DNAH2: variants seen among roughly 807,000 people sequenced by gnomAD.
The protein encoded by DNAH2 is axonemal beta dynein heavy chain 2.
Under a neutral mutation model 523.5 loss-of-function variants are expected in DNAH2, and 323 were observed. The ratio of observed to expected loss-of-function variants is 0.62; its 90% CI spans 0.56 to 0.68. DNAH2 has a LOEUF of 0.68. Among genes scored for constraint, DNAH2 ranks in the 30% least tolerant of loss-of-function variants. The pLI, the probability that DNAH2 is intolerant of heterozygous loss-of-function variation, is 0.00. For synonymous variants in DNAH2, 2,093 were observed against 2,177.4 expected (o/e 0.96, Z 1.08); for missense variants, 4,907 against 5,701.5 (o/e 0.86, Z 4.49).
At position 7,787,048 on chromosome 17, in the gene DNAH2, T is replaced by A; in HGVS notation, c.6603+15T>A. The A allele has an allele frequency of 6.2e-7, 1 of 1,613,458 alleles. No homozygotes were observed. Among genetic ancestry groups the A allele is most frequent in the Non-Finnish European group, 8.5e-7 (1 of 1,179,892 alleles). On this transcript the variant is annotated intron_variant, in intron 42 of 85. Transcript: ENST00000572933. ...TGCCCGAGCAGGTCAGGGACGCGGCTGACTCCTGGAGGCCTGCAGAGGCAG... is the reference window on the plus strand; with the variant it reads ...TGCCCGAGCAGGTCAGGGACGCGGCAGACTCCTGGAGGCCTGCAGAGGCAG...
chr17:7,769,525 T>A (rs1485156796), intron 24 of DNAH2, among the ~76,000 whole-genome samples: 1 of 152,216 alleles, frequency 6.6e-6, no homozygotes, highest in Non-Finnish European at 1.5e-5. Context: ...TAACTTTCTT[T>A]CTGTATGGTT....
intron 12 of DNAH2, 56 bp downstream of exon 12, chr17:7,743,198 G>T: frequency 3.9e-6 from 6 of 1,546,224 alleles, no homozygotes; most frequent in Non-Finnish European, 5.3e-6. Context: ...GCTCTCCCAA[G>T]AATTTCACTC....
intron 48 of DNAH2, among the ~76,000 whole-genome samples, chr17:7,793,473 TTC>T (rs772054907): frequency 7.5e-5 from 10 of 132,498 alleles, no homozygotes; most frequent in South Asian, 7.0e-4. Context: ...CTTTCTTTCT[TTC>T]TTTCTTTCTT....
intron 12 of DNAH2, among the ~76,000 whole-genome samples, chr17:7,744,790 C>T (rs531943361): frequency 6.6e-6 from 1 of 152,058 alleles, no homozygotes; most frequent in Non-Finnish European, 1.5e-5. Context: ...CATTTGCAAG[C>T]GCATAATGGG....
At chr17:7,797,025 C>T (rs1290885929) in intron 50 of DNAH2, 151 bp from the exon 51 acceptor site, 2 of 703,262 alleles carry the variant, frequency 2.8e-6, no homozygotes, top group Non-Finnish European at 4.7e-6. Context: ...TTGCTTGAAC[C>T]TGGGAGGCAG....
chr17:7,770,211 G>T (rs1484260686), intron 24 of DNAH2, 41 bp from the exon 25 acceptor site: 15 of 1,541,798 alleles, frequency 9.7e-6, no homozygotes, highest in Non-Finnish European at 1.2e-5. Context: ...TGGAGTGATG[G>T]TAACTCTCCT....
chr17:7,762,463 G>A (rs2076034004), intron 18 of DNAH2, among the ~76,000 whole-genome samples: 1 of 151,496 alleles, frequency 6.6e-6, no homozygotes, highest in African/African-American at 2.4e-5. Flanking sequence ...AGCCTCCCGA[G>A]TAGCTGGGAC....
At chr17:7,775,025 T>G (rs773644182) in intron 29 of DNAH2, 49 bp downstream of exon 29, 1 of 1,584,580 alleles carries the variant, frequency 6.3e-7, no homozygotes, top group Non-Finnish European at 8.6e-7. Context: ...AGGGAGGGTG[T>G]TGGGGTATGA....
chr17:7,818,276 A>G (rs2077741220), intron 68 of DNAH2, 36 bp from the exon 69 acceptor site: 9 of 1,611,796 alleles, frequency 5.6e-6, no homozygotes, highest in South Asian at 1.1e-5. Context: ...TACCCATCAC[A>G]TGGAGTCCTT....
At position 7,774,897 on chromosome 17, in the gene DNAH2, G is replaced by C. The variant is rs2076406869; in HGVS notation, c.4640G>C (p.Gly1547Ala). The C allele has an allele frequency of 1.9e-6, 3 of 1,614,208 alleles. No individual in the cohort carries two copies. Among genetic ancestry groups the C allele is most frequent in the South Asian group, 2.2e-5 (2 of 91,074 alleles). Residue 1547 changes from glycine to alanine, a missense_variant, in exon 29 of 86, where the codon GGC (glycine) becomes GCC (alanine). Around this residue, in one of 3 missense-constraint regions of DNAH2, gnomAD observed 2,806 missense variants for 3,190.8 expected, o/e 0.88. Transcript: ENST00000572933. ...AATGATGACCTGCTGGAGATTCTGG[G>C]CCAGTCCCGAAACCCAGAGGCTGTG... ...LSNDDLLEIL[G>A]QSRNPEAVQP...
intron 28 of DNAH2, among the ~76,000 whole-genome samples, chr17:7,772,352 T>G (rs754098768): frequency 2.2e-4 from 34 of 152,332 alleles, no homozygotes; most frequent in Middle Eastern, 3.4e-3. Context: ...AGTTATGGTA[T>G]GCAAAGTTGA....
intron 15 of DNAH2, 142 bp from the exon 16 acceptor site, chr17:7,759,280 C>T (rs2151195242): frequency 1.4e-6 from 2 of 1,424,222 alleles, no homozygotes; most frequent in South Asian, 2.8e-5. Flanking sequence ...ACCTTCAGTC[C>T]TCACACCTCT....
intron 51 of DNAH2, 63 bp downstream of exon 51, chr17:7,797,324 T>C: frequency 1.2e-6 from 2 of 1,613,426 alleles, no homozygotes; most frequent in Non-Finnish European, 1.7e-6. Flanking sequence ...CCCTACTTTG[T>C]TCCCAGCCTG....
chr17:7,740,354 C>T (rs375410167), intron 9 of DNAH2, 66 bp from the exon 10 acceptor site: 5 of 1,597,618 alleles, frequency 3.1e-6, no homozygotes, highest in Non-Finnish European at 4.3e-6. Flanking sequence ...TGGGATTCTT[C>T]CTCAGGGGTT....
At position 7,818,625 on chromosome 17, in the gene DNAH2, G is replaced by A. The variant is rs1274181250; in HGVS notation, c.10537-18G>A. ...CGAAGGAGTGACAGCCCCTCACTGT[G>A]AGTCCTGATGCCCCCAGGGCCTGGA... On this transcript the variant is annotated intron_variant, in intron 69 of 85. Transcript: ENST00000572933. The A allele has an allele frequency of 1.2e-6, 2 of 1,613,378 alleles. No individual in the cohort carries two copies. Among genetic ancestry groups the A allele is most frequent in the African/African-American group, 1.3e-5 (1 of 74,924 alleles).
At position 7,786,349 on chromosome 17, in the gene DNAH2, G is replaced by T; in HGVS notation, c.6348+7G>T. On this transcript the variant is annotated splice_region_variant and intron_variant, in intron 40 of 85. Transcript: ENST00000572933. The surrounding 1 kb of genome is among the most constrained non-coding windows in gnomAD (Gnocchi z 7.5). ...TAACTTCAACATTGTTAGAGTACGG[G>T]GCTGGGACAGTGGAGTCAGTGGGCA... is the stretch of plus-strand genomic sequence containing the variant. The T allele has an allele frequency of 6.2e-7, 1 of 1,609,674 alleles. No homozygotes were observed. Among genetic ancestry groups the T allele is most frequent in the Non-Finnish European group, 8.5e-7 (1 of 1,179,480 alleles).
rs1351816708 is a variant in DNAH2 at position 7,754,998 on chromosome 17, A to G, written c.1905-2093A>G. ...AAAAAAAAAGAATAGGCAGCCCAGG[A>G]AGAAGGGTTAGCCTTGGGTGGGAGG... On this transcript the variant is annotated intron_variant, in intron 12 of 85. Coordinates refer to ENST00000572933, the MANE Select transcript of DNAH2 (RefSeq NM_020877.5). The surrounding 1 kb of genome is among the most constrained non-coding windows in gnomAD (Gnocchi z 4.6). The G allele has an allele frequency of 1.7e-5, 7 of 402,638 alleles. No individual in the cohort carries two copies. Among genetic ancestry groups the G allele is most frequent in the Non-Finnish European group, 3.1e-5 (7 of 227,332 alleles). The allele number at this position is 402,638 out of a possible 1,614,324, so 24.9% of individuals were successfully genotyped here.
chr17:7,767,282 G>A (rs2076196541), intron 22 of DNAH2, among the ~76,000 whole-genome samples: 1 of 152,094 alleles, frequency 6.6e-6, no homozygotes, highest in African/African-American at 2.4e-5. Flanking sequence ...TTAAATGGCT[G>A]AATATTCATA....
At chr17:7,758,180 T>C (rs1316463115) in intron 13 of DNAH2, among the ~76,000 whole-genome samples, 1 of 152,196 alleles carries the variant, frequency 6.6e-6, no homozygotes, top group Admixed American at 6.5e-5. Flanking sequence ...GATTACTCAT[T>C]GGTACAGGCC....
Sources: allele counts gnomAD v4.1 joint callset (sites outside exome capture counted in the v4.1 genomes callset), GRCh38; gene constraint gnomAD v4.1.1; regional missense constraint gnomAD v4.1.1; non-coding constraint Gnocchi (gnomAD v3.1); transcripts MANE v1.5; gene names NCBI Gene and HGNC (gene_info 2026-07-23, HGNC 2026-07-21).